The following DAAM1 variants were observed in gnomAD, a reference collection of about 807,000 sequenced individuals.
DAAM1 encodes dishevelled associated activator of morphogenesis 1, also known as disheveled-associated activator of morphogenesis 1.
A neutral mutation model predicts 130.0 loss-of-function variants in DAAM1; 52 were observed. The observed-to-expected ratio is 0.40, with a 90% CI of 0.32 to 0.50. The LOEUF is 0.50. Ranked by LOEUF, DAAM1 falls within the 20% of genes least tolerant of loss-of-function variation. DAAM1 has a pLI of 0.61. For missense variants in DAAM1, 1,134 were observed against 1,303.8 expected, an observed-to-expected ratio of 0.87 and a Z score of 2.01; for synonymous variants, 452 against 444.5, an observed-to-expected ratio of 1.02 and a Z score of -0.21.
intron 10 of DAAM1, 28 bp from the exon 11 acceptor site, chr14:59,326,482 T>G (rs1366792725): frequency 6.4e-7 from 1 of 1,558,900 alleles, no homozygotes; most frequent in Non-Finnish European, 8.7e-7. Context: ...ACTTGAAGAT[T>G]TTTTTTCACT....
intron 1 of DAAM1, among the ~76,000 whole-genome samples, chr14:59,216,735 A>C (rs1417150691): frequency 6.6e-6 from 1 of 152,138 alleles, no homozygotes; most frequent in Non-Finnish European, 1.5e-5. Flanking sequence ...AAAAAAAAAA[A>C]AGTCAATTTC....
chr14:59,337,827 G>A (rs1885686635), intron 15 of DAAM1, among the ~76,000 whole-genome samples: 1 of 151,910 alleles, frequency 6.6e-6, no homozygotes, highest in African/African-American at 2.4e-5. Flanking sequence ...CTTTATAGGG[G>A]TGCTGAGGGT....
intron 3 of DAAM1, among the ~76,000 whole-genome samples, chr14:59,293,818 C>T (rs1333915379): frequency 6.6e-6 from 1 of 152,116 alleles, no homozygotes; most frequent in Non-Finnish European, 1.5e-5. Context: ...GAAAACTGAA[C>T]CAGGAGGAGG....
At chr14:59,205,015 A>C (rs1023849856) in intron 1 of DAAM1, among the ~76,000 whole-genome samples, 5 of 152,240 alleles carry the variant, frequency 3.3e-5, no homozygotes, top group African/African-American at 1.2e-4. Flanking sequence ...ATGTGGAGTG[A>C]AAATGAAGAT....
chr14:59,336,003 G>A (rs925603497), intron 15 of DAAM1, among the ~76,000 whole-genome samples: 4 of 151,470 alleles, frequency 2.6e-5, no homozygotes, highest in African/African-American at 9.7e-5. Flanking sequence ...ACAGAAGAGA[G>A]AAATATAAAT....
intron 3 of DAAM1, among the ~76,000 whole-genome samples, chr14:59,294,950 G>A (rs1414445330): frequency 6.6e-6 from 1 of 152,222 alleles, no homozygotes; most frequent in Admixed American, 6.5e-5. Flanking sequence ...ATCAGCACAG[G>A]AAGAAATCAT....
chr14:59,289,951 G>C (rs1410268341), intron 2 of DAAM1, among the ~76,000 whole-genome samples: 2 of 151,946 alleles, frequency 1.3e-5, no homozygotes. Flanking sequence ...TGGACACAAA[G>C]ATGGGGAAAA....
At chr14:59,350,068 C>G (rs1420150033) in intron 17 of DAAM1, among the ~76,000 whole-genome samples, 1 of 152,142 alleles carries the variant, frequency 6.6e-6, no homozygotes, top group Non-Finnish European at 1.5e-5. Context: ...TCCCTTACTT[C>G]CCTGCACTGA....
intron 16 of DAAM1, among the ~76,000 whole-genome samples, chr14:59,344,339 G>C (rs1428131436): frequency 6.6e-6 from 1 of 152,208 alleles, no homozygotes; most frequent in East Asian, 1.9e-4. Context: ...CTTGAGTAGA[G>C]CAACCTGGAG....
At position 59,267,555 on chromosome 14, in the gene DAAM1, A is replaced by T. The variant is rs561017123; in HGVS notation, c.183+3895A>T. Among the ~76,000 whole-genome samples, 3 of 152,320 alleles carry T rather than the reference A, an allele frequency of 2.0e-5. No homozygotes were observed. In the East Asian group the frequency reaches 5.8e-4, roughly 29 times the overall value. On this transcript the variant is annotated intron_variant, in intron 2 of 24. Transcript: ENST00000360909. Reference sequence around the variant, plus strand: ...TAATTCATATATAATTCACCTATGTAAAGTGTGCAATTCAGTGGCTTTTAG... The same window carrying T: ...TAATTCATATATAATTCACCTATGTTAAGTGTGCAATTCAGTGGCTTTTAG...
chr14:59,310,800 A>G (rs973709147), intron 3 of DAAM1, among the ~76,000 whole-genome samples: 12 of 152,186 alleles, frequency 7.9e-5, no homozygotes, highest in Non-Finnish European at 1.2e-4. Context: ...AACCTCCTCA[A>G]TTCGTAACAG....
At chr14:59,360,746 A>G in intron 21 of DAAM1, 56 bp from the exon 22 acceptor site, 7 of 1,469,822 alleles carry the variant, frequency 4.8e-6, no homozygotes, top group East Asian at 2.3e-5. Flanking sequence ...AACCCATCTT[A>G]TATTTAATAT....
rs76503947 is a variant in DAAM1, at chr14:59,280,043, T to C, written c.184-11174T>C. Among the ~76,000 whole-genome samples, 88 of 152,302 alleles carry C rather than the reference T, an allele frequency of 5.8e-4. 1 individual carries two copies. Among genetic ancestry groups the C allele is most frequent in the African/African-American group, 2.0e-3 (85 of 41,550 alleles). On this transcript the variant is annotated intron_variant, in intron 2 of 24. Coordinates refer to ENST00000360909, the MANE Select transcript of DAAM1 (RefSeq NM_001270520.2). ...AACTAAAACTGCATTGAGATCGTAC[T>C]TAACAGAAACTAGAAGAGCTAAAAT...
chr14:59,363,794 C>A lies in DAAM1; in HGVS notation c.2826+12C>A, dbSNP rs2295851. 7,100 of 1,612,950 alleles carry A rather than the reference C, an allele frequency of 4.4e-3. 403 individuals are homozygous for A. The East Asian group carries it at 0.13, about 29-fold the overall frequency. ...AAGCTAAAGACCTGGTAAGTTTCCC[C>A]CTTGTGCACTGAGTGTTGTTTGACC... On this transcript the variant is annotated intron_variant, in intron 23 of 24. Transcript: ENST00000360909.
chr14:59,311,911 C>G (rs1371621402), intron 3 of DAAM1, among the ~76,000 whole-genome samples: 1 of 151,990 alleles, frequency 6.6e-6, no homozygotes, highest in Non-Finnish European at 1.5e-5. Context: ...GTTGCCCAGG[C>G]TCATCTTGAA....
chr14:59,326,801 G>A (rs1885219846), intron 11 of DAAM1, 132 bp from the exon 12 acceptor site: 1 of 1,489,496 alleles, frequency 6.7e-7, no homozygotes, highest in Non-Finnish European at 9.1e-7. Flanking sequence ...AGTAACATCT[G>A]GTCTTAAATG....
intron 6 of DAAM1, 104 bp from the exon 7 acceptor site, chr14:59,324,024 T>A: frequency 1.4e-6 from 1 of 704,262 alleles, no homozygotes. Flanking sequence ...AGAGCAAGAC[T>A]CCGTCTGAAA....
intron 5 of DAAM1, among the ~76,000 whole-genome samples, chr14:59,322,690 G>T (rs556552830): frequency 7.9e-5 from 12 of 152,026 alleles, no homozygotes; most frequent in East Asian, 3.9e-4. Context: ...AAATGGAGGG[G>T]TTTTTTTTCA....
chr14:59,219,144 G>T (rs1053591800), intron 1 of DAAM1, among the ~76,000 whole-genome samples: 1 of 152,144 alleles, frequency 6.6e-6, no homozygotes, highest in Non-Finnish European at 1.5e-5. Context: ...GCATTTGGTG[G>T]TGATGGTGTC....
Sources: gnomAD v4.1 joint callset for allele counts (sites outside exome capture counted in the v4.1 genomes callset) on GRCh38, gnomAD v4.1.1 for gene constraint, MANE v1.5 for transcripts, NCBI Gene and HGNC (gene_info 2026-07-23, HGNC 2026-07-21) for gene names.